KLHL5: variants seen among roughly 807,000 people sequenced by gnomAD.
The protein encoded by KLHL5 is kelch-like protein 5.
KLHL5 carries 48 observed loss-of-function variants against 77.7 expected under a neutral mutation model. The ratio of observed to expected loss-of-function variants is 0.62; its 90% CI spans 0.49 to 0.79. The LOEUF (loss-of-function observed/expected upper bound fraction) is 0.79. Among genes scored for constraint, KLHL5 ranks in the 30% least tolerant of loss-of-function variants. The pLI, the probability that KLHL5 is intolerant of heterozygous loss-of-function variation, is 0.00. For missense variants in KLHL5, 723 were observed against 859.7 expected, an observed-to-expected ratio of 0.84 and a Z score of 1.99; for synonymous variants, 260 against 297.0, an observed-to-expected ratio of 0.88 and a Z score of 1.28.
chr4:39,052,636 A>T (rs1226048670), intron 1 of KLHL5, among the ~76,000 whole-genome samples: 2 of 152,228 alleles, frequency 1.3e-5, no homozygotes, highest in Non-Finnish European at 2.9e-5. Flanking sequence ...TACTTTGGCG[A>T]TAGCATGGAG....
chr4:39,081,319 G>C lies in KLHL5; in HGVS notation c.703+80G>C. On this transcript the variant is annotated intron_variant, in intron 3 of 10. Transcript: ENST00000504108. This position sits in a 1 kb window ranked among gnomAD's most constrained non-coding sequence, Gnocchi z 4.3. ...GATTTCAGATTTCTGTTTTTAGAAA[G>C]CATGCCATAGCTAACAGTTAGTTCT... 1 of 1,199,162 alleles carries C rather than the reference G, an allele frequency of 8.3e-7. No individual in the cohort carries two copies. Among genetic ancestry groups the C allele is most frequent in the Non-Finnish European group, 1.2e-6 (1 of 868,212 alleles). 74.3% of individuals were successfully genotyped at this position (1,199,162 alleles called of 1,614,324 possible).
intron 4 of KLHL5, among the ~76,000 whole-genome samples, chr4:39,082,935 G>A (rs1411545931): frequency 6.6e-6 from 1 of 152,066 alleles, no homozygotes; most frequent in Non-Finnish European, 1.5e-5. Context: ...GTAGCAGTTA[G>A]TTCTTCACAC....
chr4:39,057,885 T>C (rs1173238505), upstream of KLHL5, among the ~76,000 whole-genome samples: 1 of 152,196 alleles, frequency 6.6e-6, no homozygotes, highest in Admixed American at 6.5e-5. Context: ...ATAGCCATGA[T>C]TTAAGTTGAG....
chr4:39,059,599 T>G (rs374758323), upstream of KLHL5, among the ~76,000 whole-genome samples: 48 of 152,098 alleles, frequency 3.2e-4, no homozygotes, highest in East Asian at 9.3e-3. Flanking sequence ...AAAACAAAAA[T>G]TAGCCAGGCT....
At chr4:39,059,160 A>AG (rs1345683322), upstream of KLHL5, among the ~76,000 whole-genome samples, 1 of 151,636 alleles carries the variant, frequency 6.6e-6, no homozygotes, top group Non-Finnish European at 1.5e-5. Flanking sequence ...TTGTCGGAAC[A>AG]GAAAAAAAAG....
intron 1 of KLHL5, chr4:39,045,185 G>A (rs1307694417): frequency 1.0e-6 from 1 of 983,068 alleles, no homozygotes; most frequent in African/African-American, 1.8e-5. Flanking sequence ...ACGCCCCGCT[G>A]CGGCCTCCCG....
upstream of KLHL5, among the ~76,000 whole-genome samples, chr4:39,058,747 A>G (rs964623340): frequency 2.6e-5 from 4 of 152,118 alleles, no homozygotes; most frequent in African/African-American, 9.7e-5. Context: ...GTTGGATTTT[A>G]TTATAGCTCT....
At chr4:39,079,090 C>T (rs933558627) in intron 2 of KLHL5, among the ~76,000 whole-genome samples, 2 of 152,096 alleles carry the variant, frequency 1.3e-5, no homozygotes, top group East Asian at 1.9e-4. Context: ...TTCATAGAGG[C>T]ACCTCAAATT....
intron 4 of KLHL5, among the ~76,000 whole-genome samples, chr4:39,084,231 G>C (rs1719858991): frequency 6.6e-6 from 1 of 152,120 alleles, no homozygotes; most frequent in Non-Finnish European, 1.5e-5. Context: ...CGTGGACTGG[G>C]GATGTTCACT....
upstream of KLHL5, among the ~76,000 whole-genome samples, chr4:39,058,385 G>A (rs1717145514): frequency 6.6e-6 from 1 of 152,076 alleles, no homozygotes; most frequent in Admixed American, 6.6e-5. Context: ...TTGGACTTTA[G>A]GGGGCCATGG....
rs569724009 is a variant in KLHL5 at position 39,063,193 on chromosome 4, G to GT, written c.383+165dup. ...ATGAACATGTGATACTTCTGCTAGG[G>GT]TTTTTTTAATGTTCTAATAGTCTGT... On this transcript the variant is annotated intron_variant, in intron 1 of 10. Transcript: ENST00000504108. Among the ~76,000 whole-genome samples the GT allele has an allele frequency of 1.9e-4, 29 of 151,930 alleles. 1 individual carries two copies. The South Asian group carries it at 5.6e-3, about 29-fold the overall frequency.
chr4:39,137,650 A>G, the KLHL5 span, among the ~76,000 whole-genome samples: 2 of 152,074 alleles, frequency 1.3e-5, no homozygotes, highest in South Asian at 4.1e-4. Flanking sequence ...AGAATAAAAT[A>G]TCTTGGAGAA....
rs565379216 is a variant in KLHL5 at position 39,125,202 on chromosome 4, G to A, written c.*4136G>A. Among the ~76,000 whole-genome samples, 1 of 152,168 alleles carries A rather than the reference G, an allele frequency of 6.6e-6. No homozygotes were observed. The highest frequency in any genetic ancestry group is 2.1e-4 in the South Asian group (1 of 4,824). ...TAATAGAGAAAATAAATGTTAGAGA[G>A]GATGTGGAGAAATTGAAAACCTTCA... On this transcript the variant is annotated 3_prime_UTR_variant, in exon 11 of 11. Coordinates refer to ENST00000504108, the MANE Select transcript of KLHL5 (RefSeq NM_015990.5).
downstream of KLHL5, among the ~76,000 whole-genome samples, chr4:39,130,571 A>C (rs1337491451): frequency 6.6e-6 from 1 of 152,120 alleles, no homozygotes; most frequent in African/African-American, 2.4e-5. Flanking sequence ...ATTTTAAAAT[A>C]CATAGATGCC....
intron 1 of KLHL5, among the ~76,000 whole-genome samples, chr4:39,045,269 C>A (rs1378793784): frequency 1.3e-5 from 2 of 150,230 alleles, no homozygotes; most frequent in Non-Finnish European, 3.0e-5. Flanking sequence ...GGGGCTGGGC[C>A]GGGCGGGGGC....
rs1723189256 is a variant in KLHL5, at chr4:39,121,189, A to T, written c.*123A>T. Reference sequence around the variant, plus strand: ...CACAATCCTGGGCACAAAGTGCCTGATGTCAAAATGAAGATAGTAAAACAA... The same window carrying T: ...CACAATCCTGGGCACAAAGTGCCTGTTGTCAAAATGAAGATAGTAAAACAA... On this transcript the variant is annotated 3_prime_UTR_variant, in exon 11 of 11. Coordinates refer to ENST00000504108, the MANE Select transcript of KLHL5 (RefSeq NM_015990.5). 13 of 745,828 alleles carry T rather than the reference A, an allele frequency of 1.7e-5. No homozygotes were observed. The East Asian group carries it at 3.5e-4, about 20-fold the overall frequency. 46.2% of individuals were successfully genotyped at this position (745,828 alleles called of 1,614,324 possible). A position where few individuals can be genotyped will look rare whatever the true frequency, so the allele number is the denominator to read the frequency against.
At position 39,096,716 on chromosome 4, in the gene KLHL5, G is replaced by A. The variant is rs756230636; in HGVS notation, c.1138G>A (p.Val380Ile). Residue 380 changes from valine to isoleucine, a missense_variant, in exon 6 of 11, where the codon GTA (valine) becomes ATA (isoleucine). Transcript: ENST00000504108. ...PQFLADMENN[V>I]LFRDDIECQK... ...GTTCCTGGCAGACATGGAAAATAAT[G>A]TACTTTTTCGGGATGATATAGAATG... 2.5e-6 allele frequency: 4 copies of A among 1,612,348 alleles called. No homozygotes were observed. The highest frequency in any genetic ancestry group is 1.1e-5 in the South Asian group (1 of 91,032).
At chr4:39,080,383 T>C (rs977517303) in intron 2 of KLHL5, among the ~76,000 whole-genome samples, 5 of 151,908 alleles carry the variant, frequency 3.3e-5, no homozygotes, top group African/African-American at 1.2e-4. Context: ...AAAAATTAGC[T>C]GGACATGGTA....
rs1410149597 is a variant in KLHL5 at position 39,121,020 on chromosome 4, T to G, written c.2084T>G (p.Leu695Arg). ...QTNEWTQVAPLCLGRAGACVV... is the reference protein window; with the variant it reads ...QTNEWTQVAPRCLGRAGACVV... The stretch of plus-strand genomic sequence containing the variant: ...CTTTTTCCTTTTTAGGTTGCTCCAC[T>G]GTGCCTAGGAAGAGCTGGAGCTTGT... Residue 695 changes from leucine to arginine, a missense_variant, in exon 11 of 11, where the codon CTG (leucine) becomes CGG (arginine). By Grantham distance (102) the Leu-to-Arg change is moderately radical (BLOSUM62 -2). Around this residue, in one of 3 missense-constraint regions of KLHL5, gnomAD observed 214 missense variants for 237.4 expected, o/e 0.90. Transcript: ENST00000504108. 1 of 1,613,250 alleles carries G rather than the reference T, an allele frequency of 6.2e-7. No homozygotes were observed. The highest frequency in any genetic ancestry group is 8.5e-7 in the Non-Finnish European group (1 of 1,179,348).
Sources: gnomAD v4.1 joint callset for allele counts (sites outside exome capture counted in the v4.1 genomes callset) on GRCh38, gnomAD v4.1.1 for gene constraint, gnomAD v4.1.1 regional missense constraint, Gnocchi (gnomAD v3.1) non-coding constraint, MANE v1.5 for transcripts, NCBI Gene and HGNC (gene_info 2026-07-23, HGNC 2026-07-21) for gene names.